The following COL4A1 variants were observed in gnomAD, a reference collection of about 807,000 sequenced individuals.
COL4A1 encodes the protein collagen alpha-1(IV) chain.
A neutral mutation model predicts 216.6 loss-of-function variants in COL4A1; 40 were observed. The ratio of observed to expected loss-of-function variants is 0.18; its 90% CI spans 0.14 to 0.24. COL4A1 has a LOEUF of 0.24. Ranked by LOEUF, COL4A1 falls within the 10% of genes least tolerant of loss-of-function variation. The pLI is 1.00. For synonymous variants in COL4A1, 839 were observed against 810.7 expected, an observed-to-expected ratio of 1.03 and a Z score of -0.59; for missense variants, 1,628 against 2,196.8, an observed-to-expected ratio of 0.74 and a Z score of 5.18.
intron 1 of COL4A1, among the ~76,000 whole-genome samples, chr13:110,298,080 G>GA (rs1884348223): frequency 1.3e-5 from 2 of 151,662 alleles, no homozygotes; most frequent in African/African-American, 4.8e-5. Flanking sequence ...AACCTCCATG[G>GA]AAAAAAGAGA....
intron 1 of COL4A1, among the ~76,000 whole-genome samples, chr13:110,279,756 CCAGTGCCCATTTCA>C (rs1298936624): frequency 6.6e-6 from 1 of 152,216 alleles, no homozygotes; most frequent in Non-Finnish European, 1.5e-5. Context: ...AACTTTCTAA[CCAGTGCCCATTTCA>C]CAGTATTTTC....
At chr13:110,225,689 T>A (rs1880706351) in intron 2 of COL4A1, among the ~76,000 whole-genome samples, 1 of 152,254 alleles carries the variant, frequency 6.6e-6, no homozygotes, top group Non-Finnish European at 1.5e-5. Context: ...TTTAGGAATC[T>A]TAATTTCAAA....
chr13:110,170,487 A>T, intron 42 of COL4A1, 60 bp downstream of exon 42: 1 of 1,512,536 alleles, frequency 6.6e-7, no homozygotes, highest in Non-Finnish European at 9.0e-7. Context: ...CTTTTACGCT[A>T]TTTCCTTTTG....
intron 20 of COL4A1, among the ~76,000 whole-genome samples, chr13:110,199,838 C>T (rs1466967081): frequency 6.6e-6 from 1 of 152,160 alleles, no homozygotes; most frequent in African/African-American, 2.4e-5. Flanking sequence ...TGTGAGGAGA[C>T]ATGAAGTCAC....
At chr13:110,267,455 T>C (rs1397292364) in intron 1 of COL4A1, among the ~76,000 whole-genome samples, 1 of 152,096 alleles carries the variant, frequency 6.6e-6, no homozygotes, top group Non-Finnish European at 1.5e-5. Context: ...CTTCTGGTGG[T>C]TGTACAAGCA....
At chr13:110,232,704 G>T (rs1881119363) in intron 2 of COL4A1, among the ~76,000 whole-genome samples, 1 of 152,174 alleles carries the variant, frequency 6.6e-6, no homozygotes. Flanking sequence ...CTGTACTCCT[G>T]GAGAGTGCTC....
Position 110,169,659 on chromosome 13 carries a change from G to A in COL4A1, c.3846C>T (p.Pro1282=). The part of the protein sequence containing the change: ...GWPGAPGVPG[P]KGDPGFQGMP... ...TGCCCTGGAATCCAGGGTCTCCCTT[G>A]GGCCCTGGGACACCGGGTGCTCCTG... Residue 1282 remains proline, a synonymous_variant, in exon 43 of 52, where the codon CCC becomes CCT. Transcript: ENST00000375820. 1 of 1,614,086 alleles carries A rather than the reference G, an allele frequency of 6.2e-7. No individual in the cohort carries two copies. The highest frequency in any genetic ancestry group is 8.5e-7 in the Non-Finnish European group (1 of 1,180,022).
At chr13:110,150,895 G>T (rs1876472003) in intron 51 of COL4A1, among the ~76,000 whole-genome samples, 1 of 152,148 alleles carries the variant, frequency 6.6e-6, no homozygotes, top group Non-Finnish European at 1.5e-5. Context: ...TTAAATATTT[G>T]TGGAATGATG....
intron 1 of COL4A1, among the ~76,000 whole-genome samples, chr13:110,300,174 AT>A (rs1461583346): frequency 5.9e-5 from 9 of 152,198 alleles, no homozygotes; most frequent in Admixed American, 5.9e-4. Context: ...AATGGTTATC[AT>A]TGAGTTTATC....
Position 110,268,012 on chromosome 13 carries a change from C to T in COL4A1, c.85-25278G>A, listed in dbSNP as rs533879632. Among the ~76,000 whole-genome samples, 48 of 110,790 alleles carry T rather than the reference C, an allele frequency of 4.3e-4. 2 individuals carry two copies. The South Asian group carries it at 0.014, about 33-fold the overall frequency. 72.7% of individuals were successfully genotyped at this position (110,790 alleles called of 152,430 possible). On this transcript the variant is annotated intron_variant, in intron 1 of 51. Transcript: ENST00000375820. The surrounding 1 kb of genome is among the most constrained non-coding windows in gnomAD (Gnocchi z 4.1). Reference sequence around the variant, plus strand: ...CAACACCTAGAACACAGCTGCCCCCCTCAAAAAAAAAATACAGAAAAAAGA... The same window carrying T: ...CAACACCTAGAACACAGCTGCCCCCTTCAAAAAAAAAATACAGAAAAAAGA...
chr13:110,282,356 G>A (rs756095742), intron 1 of COL4A1, among the ~76,000 whole-genome samples: 4 of 152,160 alleles, frequency 2.6e-5, no homozygotes, highest in Non-Finnish European at 5.9e-5. Flanking sequence ...GGAAGCTGGT[G>A]GTGACTCTTA....
At chr13:110,206,786 A>G in intron 14 of COL4A1, 71 bp from the exon 15 acceptor site, 9 of 1,608,482 alleles carry the variant, frequency 5.6e-6, no homozygotes, top group Non-Finnish European at 7.7e-6. Context: ...TAGATATTAA[A>G]CTTAAGGTGA....
chr13:110,239,173 T>C (rs7332644), intron 2 of COL4A1, among the ~76,000 whole-genome samples: 29,944 of 152,060 alleles, frequency 0.2, 3,353 homozygotes, highest in African/African-American at 0.3. Flanking sequence ...TATTTATTGA[T>C]TACTTGAAAA....
intron 1 of COL4A1, among the ~76,000 whole-genome samples, chr13:110,304,616 T>C (rs1428253037): frequency 1.3e-5 from 2 of 152,000 alleles, no homozygotes; most frequent in Non-Finnish European, 2.9e-5. Flanking sequence ...TGAAGAAAAG[T>C]GGAGGAAGGG....
In COL4A1 at chr13:110,181,353, C is replaced by G; in HGVS notation, c.2132G>C (p.Gly711Ala). The change falls in exon 29 of 52, where the codon GGG becomes GCG. Residue 711 changes from glycine (G) to alanine (A), a missense_variant. This residue lies in a region of COL4A1 where 701 missense variants were observed against 892.5 expected (regional missense o/e 0.79). Transcript: ENST00000375820. ...DGLPGDMGPP[G>A]TPGRPGFNGL... is the part of the protein sequence containing the mutation. Reference sequence around the variant, plus strand: ...ATTAAATCCCGGGCGACCTGGAGTCCCCGGTGGCCCCATGTCTCCAGGTAA... The same window carrying G: ...ATTAAATCCCGGGCGACCTGGAGTCGCCGGTGGCCCCATGTCTCCAGGTAA... 1.9e-6 allele frequency: 3 copies of G among 1,613,912 alleles called. No homozygotes were observed. Among genetic ancestry groups the G allele is most frequent in the Non-Finnish European group, 2.5e-6 (3 of 1,179,914 alleles).
At position 110,209,591 on chromosome 13, in the gene COL4A1, G is replaced by A. The variant is rs1210985295; in HGVS notation, c.616-164C>T. ...CCCTCCCCACTCCTAGCAGGTGCAG[G>A]ACCCTCAGGTGTGACCATACCAATA... is the stretch of plus-strand genomic sequence containing the variant. On this transcript the variant is annotated intron_variant, in intron 10 of 51. Coordinates refer to ENST00000375820, the MANE Select transcript of COL4A1 (RefSeq NM_001845.6). 2.6e-5 allele frequency among the ~76,000 whole-genome samples: 4 copies of A among 152,292 alleles called. No homozygotes were observed. In the East Asian group the frequency reaches 7.7e-4, roughly 29 times the overall value.
At chr13:110,253,138 A>G (rs12429302) in intron 1 of COL4A1, among the ~76,000 whole-genome samples, 9,874 of 67,216 alleles carry the variant, frequency 0.15, 3,354 homozygotes, top group East Asian at 0.22. Flanking sequence ...ATATATACAT[A>G]TAACTATATG....
At chr13:110,158,339 G>A (rs1876891233) in intron 49 of COL4A1, among the ~76,000 whole-genome samples, 1 of 152,208 alleles carries the variant, frequency 6.6e-6, no homozygotes, top group South Asian at 2.1e-4. Flanking sequence ...CTGGTCCATG[G>A]TCCCACGTGG....
At chr13:110,177,087 G>A (rs1566351899) in intron 33 of COL4A1, 50 bp from the exon 34 acceptor site, 1 of 1,608,536 alleles carries the variant, frequency 6.2e-7, no homozygotes, top group Non-Finnish European at 8.5e-7. Flanking sequence ...TGTCACAGAG[G>A]TGCTCAAAAG....
Sources: allele counts gnomAD v4.1 joint callset (sites outside exome capture counted in the v4.1 genomes callset), GRCh38; gene constraint gnomAD v4.1.1; regional missense constraint gnomAD v4.1.1; non-coding constraint Gnocchi (gnomAD v3.1); transcripts MANE v1.5; gene names NCBI Gene and HGNC (gene_info 2026-07-23, HGNC 2026-07-21).